Variants in ZNRF3 observed in about 807,000 individuals in gnomAD.
The protein encoded by ZNRF3 is E3 ubiquitin-protein ligase ZNRF3.
Under a neutral mutation model 72.5 loss-of-function variants are expected in ZNRF3, and 23 were observed. The ratio of observed to expected loss-of-function variants is 0.32; its 90% CI spans 0.23 to 0.45. The LOEUF (loss-of-function observed/expected upper bound fraction) is 0.45. ZNRF3 is among the 20% of genes least tolerant of loss of function. The pLI, the probability that ZNRF3 is intolerant of heterozygous loss-of-function variation, is 1.00. For synonymous variants in ZNRF3, 610 were observed against 545.3 expected, an observed-to-expected ratio of 1.12 and a Z score of -1.65; for missense variants, 1,169 against 1,272.1, an observed-to-expected ratio of 0.92 and a Z score of 1.23.
At chr22:29,020,450 G>A (rs561601163) in intron 2 of ZNRF3, among the ~76,000 whole-genome samples, 15 of 151,624 alleles carry the variant, frequency 9.9e-5, no homozygotes, top group African/African-American at 2.7e-4. Flanking sequence ...TAGTACAGAC[G>A]GGCTTTCACC....
intron 1 of ZNRF3, among the ~76,000 whole-genome samples, chr22:28,957,959 G>A (rs1038038740): frequency 1.3e-5 from 2 of 151,904 alleles, no homozygotes; most frequent in Admixed American, 6.5e-5. Context: ...AGGCCGAGGC[G>A]GGCGGATCAC....
chr22:28,950,813 G>T (rs751362561), intron 1 of ZNRF3, among the ~76,000 whole-genome samples: 27 of 152,202 alleles, frequency 1.8e-4, no homozygotes, highest in Non-Finnish European at 3.5e-4. Flanking sequence ...ATTGTAAGGT[G>T]AGCCCAGTTT....
intron 2 of ZNRF3, among the ~76,000 whole-genome samples, chr22:29,031,998 G>A (rs2036769393): frequency 6.6e-6 from 1 of 152,198 alleles, no homozygotes; most frequent in South Asian, 2.1e-4. Flanking sequence ...TGAAGCTGTG[G>A]TAGAATTTGC....
rs2037284005 is a variant in ZNRF3 at position 29,055,591 on chromosome 22, C to T, written c.*1969C>T. On this transcript the variant is annotated 3_prime_UTR_variant, in exon 9 of 9. Coordinates refer to ENST00000544604, the MANE Select transcript of ZNRF3 (RefSeq NM_001206998.2). Reference sequence around the variant, plus strand: ...GTGCAGTCCCTTGGGGGCTGCTCCTCGGACTGCGCCCCGCACACCTGTTAT... The same window carrying T: ...GTGCAGTCCCTTGGGGGCTGCTCCTTGGACTGCGCCCCGCACACCTGTTAT... 1 of 152,220 alleles carries T rather than the reference C, an allele frequency of 6.6e-6. No homozygotes were observed. Among genetic ancestry groups the T allele is most frequent in the Non-Finnish European group, 1.5e-5 (1 of 68,044 alleles). 9.4% of individuals were successfully genotyped at this position (152,220 alleles called of 1,614,324 possible).
At chr22:28,993,990 T>A (rs1255709592) in intron 2 of ZNRF3, among the ~76,000 whole-genome samples, 3 of 151,540 alleles carry the variant, frequency 2.0e-5, no homozygotes, top group African/African-American at 7.3e-5. Flanking sequence ...TTCTAAGCTC[T>A]GTGAGCTCCT....
intron 1 of ZNRF3, among the ~76,000 whole-genome samples, chr22:28,923,348 C>G (rs376738433): frequency 2.6e-5 from 4 of 152,152 alleles, no homozygotes; most frequent in African/African-American, 7.2e-5. Flanking sequence ...GTGTCTGTGG[C>G]CTGCACCCCT....
intron 1 of ZNRF3, among the ~76,000 whole-genome samples, chr22:28,897,585 G>T (rs2034021171): frequency 6.6e-6 from 1 of 152,252 alleles, no homozygotes; most frequent in Non-Finnish European, 1.5e-5. Context: ...CTCCCAAAGT[G>T]CTGGGATTAC....
In ZNRF3 at chr22:29,050,951, G is replaced by A; in HGVS notation, c.2767+3G>A. ...CACCACTGCCACTGAGGCTGCAGGT[G>A]AGAGCAGGAAATGGCAGTAGGTCAG... On this transcript the variant is annotated splice_donor_region_variant and intron_variant, in intron 8 of 8. Transcript: ENST00000544604. The A allele has an allele frequency of 4.6e-6, 7 of 1,508,482 alleles. No homozygotes were observed. The highest frequency in any genetic ancestry group is 6.2e-6 in the Non-Finnish European group (7 of 1,136,414). The allele number at this position is 1,508,482 out of a possible 1,614,324, so 93.4% of individuals were successfully genotyped here.
chr22:28,985,477 G>T (rs2035841107), intron 1 of ZNRF3, among the ~76,000 whole-genome samples: 1 of 152,134 alleles, frequency 6.6e-6, no homozygotes, highest in Non-Finnish European at 1.5e-5. Context: ...AAACATTCTA[G>T]CAACTCTTGC....
At chr22:28,921,741 C>T (rs1047740416) in intron 1 of ZNRF3, among the ~76,000 whole-genome samples, 9 of 152,326 alleles carry the variant, frequency 5.9e-5, no homozygotes, top group African/African-American at 2.2e-4. Flanking sequence ...TATTCCCCCA[C>T]AGCATTCCAC....
chr22:28,970,182 A>G (rs985292205), intron 1 of ZNRF3, among the ~76,000 whole-genome samples: 6 of 152,238 alleles, frequency 3.9e-5, no homozygotes, highest in Non-Finnish European at 5.9e-5. Flanking sequence ...TTCAATAAGT[A>G]CACAACCCAA....
chr22:28,907,670 C>G (rs1046695619), intron 1 of ZNRF3, among the ~76,000 whole-genome samples: 12 of 152,212 alleles, frequency 7.9e-5, no homozygotes, highest in African/African-American at 4.8e-5. Context: ...GTCTGAGTCA[C>G]TGGCTGTCTT....
intron 1 of ZNRF3, among the ~76,000 whole-genome samples, chr22:28,979,791 AG>A (rs1201858133): frequency 6.6e-6 from 1 of 152,202 alleles, no homozygotes; most frequent in Non-Finnish European, 1.5e-5. Context: ...GTAGGGTGAA[AG>A]GGGACTTCTG....
At position 29,053,590 on chromosome 22, in the gene ZNRF3, C is replaced by G; in HGVS notation, c.2779C>G (p.His927Asp). Reference protein sequence around the residue: ...TATEAAGPRSHSADSSSPGA With the variant: ...TATEAAGPRSDSADSSSPGA ...TCTCTCTTTCCCAGGACCGAGATCT[C>G]ACTCAGCAGACAGCAGCAGCCCGGG... The change falls in exon 9 of 9, where the codon CAC becomes GAC. Residue 927 changes from histidine (H) to aspartate (D), a missense_variant. Coordinates refer to ENST00000544604, the MANE Select transcript of ZNRF3 (RefSeq NM_001206998.2). 1.2e-6 allele frequency: 2 copies of G among 1,613,406 alleles called. No homozygotes were observed. Among genetic ancestry groups the G allele is most frequent in the African/African-American group, 2.7e-5 (2 of 74,868 alleles).
At chr22:29,044,924 C>A in intron 5 of ZNRF3, 34 bp downstream of exon 5, 1 of 1,477,014 alleles carries the variant, frequency 6.8e-7, no homozygotes, top group South Asian at 1.1e-5. Context: ...TGAGCAGTAA[C>A]CCCTCTTGCC....
intron 5 of ZNRF3, among the ~76,000 whole-genome samples, chr22:29,046,251 T>G (rs1312313993): frequency 1.3e-5 from 2 of 152,138 alleles, no homozygotes; most frequent in African/African-American, 4.8e-5. Flanking sequence ...ATCACCAAAG[T>G]TCTCTTGAGG....
chr22:29,052,585 C>T (rs1371031760), intron 8 of ZNRF3, among the ~76,000 whole-genome samples: 8 of 151,586 alleles, frequency 5.3e-5, no homozygotes, highest in Admixed American at 3.9e-4. Flanking sequence ...TCTACCTACT[C>T]GGGAGGCTGA....
rs1326424771 is a variant in ZNRF3, at chr22:29,049,391, G to A, written c.1210G>A (p.Glu404Lys). 2 of 1,611,776 alleles carry A rather than the reference G, an allele frequency of 1.2e-6. No individual in the cohort carries two copies. The highest frequency in any genetic ancestry group is 2.2e-5 in the East Asian group (1 of 44,870). ...CTTGCTGACCATGGACCGGCACGGGGAGCAGAGCCTCTATTCCCCGCAGAC... is the reference window on the plus strand; with the variant it reads ...CTTGCTGACCATGGACCGGCACGGGAAGCAGAGCCTCTATTCCCCGCAGAC... ...VTLLTMDRHG[E>K]QSLYSPQTPA... Residue 404 changes from glutamate to lysine, a missense_variant, in exon 8 of 9, where the codon GAG becomes AAG. By Grantham distance (56) the Glu-to-Lys change is moderately conservative. Transcript: ENST00000544604. The surrounding 1 kb of genome is among the most constrained non-coding windows in gnomAD (Gnocchi z 5.2).
At chr22:28,930,615 T>C (rs16986849) in intron 1 of ZNRF3, among the ~76,000 whole-genome samples, 1,698 of 152,318 alleles carry the variant, frequency 0.011, 22 homozygotes, top group African/African-American at 0.039. Flanking sequence ...ACGGAGCAGG[T>C]TATCTTGCAG....
Sources: allele counts gnomAD v4.1 joint callset (sites outside exome capture counted in the v4.1 genomes callset), GRCh38; gene constraint gnomAD v4.1.1; non-coding constraint Gnocchi (gnomAD v3.1); transcripts MANE v1.5; gene names NCBI Gene and HGNC (gene_info 2026-07-23, HGNC 2026-07-21).